UBE2O: variants seen among roughly 807,000 people sequenced by gnomAD.
UBE2O encodes the protein (E3-independent) E2 ubiquitin-conjugating enzyme.
A neutral mutation model predicts 125.8 loss-of-function variants in UBE2O; 15 were observed. The ratio of observed to expected loss-of-function variants is 0.12; its 90% confidence interval spans 0.08 to 0.18. UBE2O has a LOEUF of 0.18. Among genes scored for constraint, UBE2O ranks in the 10% least tolerant of loss-of-function variants. The pLI is 1.00. For synonymous variants in UBE2O, 708 were observed against 703.2 expected (o/e 1.01, Z -0.11); for missense variants, 1,280 against 1,723.6 (o/e 0.74, Z 4.56).
intron 1 of UBE2O, among the ~76,000 whole-genome samples, chr17:76,438,887 A>C (rs559263849): frequency 6.6e-6 from 1 of 152,262 alleles, no homozygotes; most frequent in South Asian, 2.1e-4. Context: ...GACGCCATGC[A>C]CACCGAGGGC....
chr17:76,432,558 C>G (rs1469605919), intron 1 of UBE2O, among the ~76,000 whole-genome samples: 1 of 152,120 alleles, frequency 6.6e-6, no homozygotes, highest in Non-Finnish European at 1.5e-5. Flanking sequence ...GGACTTAAAG[C>G]CCTTTCAGTT....
chr17:76,437,326 T>C (rs2073012794), intron 1 of UBE2O, among the ~76,000 whole-genome samples: 1 of 149,952 alleles, frequency 6.7e-6, no homozygotes, highest in South Asian at 2.1e-4. Flanking sequence ...GGCGGGCACC[T>C]GTAGTCCCAG....
chr17:76,415,315 G>A (rs1319318092), intron 1 of UBE2O, among the ~76,000 whole-genome samples: 3 of 152,186 alleles, frequency 2.0e-5, no homozygotes, highest in Non-Finnish European at 4.4e-5. Flanking sequence ...TGACCCCCAC[G>A]AAGGAGGCAC....
At chr17:76,435,056 G>A (rs1302350308) in intron 1 of UBE2O, among the ~76,000 whole-genome samples, 3 of 152,112 alleles carry the variant, frequency 2.0e-5, no homozygotes, top group Non-Finnish European at 2.9e-5. Context: ...ACAACAATGA[G>A]GAGAGGAAAG....
chr17:76,391,844 T>C lies in UBE2O; in HGVS notation c.3151-31A>G, dbSNP rs2072119278. Reference sequence around the variant, plus strand: ...ACACACAGGGCACCATCAATTCTGTTCCCCAGGCCCCTATCCACCAGTGGC... The same window carrying C: ...ACACACAGGGCACCATCAATTCTGTCCCCCAGGCCCCTATCCACCAGTGGC... On this transcript the variant is annotated intron_variant, in intron 16 of 17. Transcript: ENST00000319380. The surrounding 1 kb of genome is among the most constrained non-coding windows in gnomAD (Gnocchi z 8.4). The C allele has an allele frequency of 6.2e-7, 1 of 1,613,764 alleles. No individual in the cohort carries two copies. The highest frequency in any genetic ancestry group is 8.5e-7 in the Non-Finnish European group (1 of 1,179,948).
chr17:76,412,764 C>T (rs1466629220), intron 1 of UBE2O, among the ~76,000 whole-genome samples: 1 of 152,212 alleles, frequency 6.6e-6, no homozygotes, highest in Non-Finnish European at 1.5e-5. Context: ...AATCCCAGTG[C>T]TTTGGAAGGC....
rs2073272061 is a variant in UBE2O, at chr17:76,452,624, T to G, written c.417+101A>C. ...TGTCCTCCCGCGTCGGCCACTGCAGTGGCACCGCTCCGGGCAGGGCCCTGC... is the reference window on the plus strand; with the variant it reads ...TGTCCTCCCGCGTCGGCCACTGCAGGGGCACCGCTCCGGGCAGGGCCCTGC... On this transcript the variant is annotated intron_variant, in intron 1 of 17. Transcript: ENST00000319380. This position sits in a 1 kb window ranked among gnomAD's most constrained non-coding sequence, Gnocchi z 4.4. 8.7e-7 allele frequency: 1 copy of G among 1,154,292 alleles called. No individual in the cohort carries two copies. The highest frequency in any genetic ancestry group is 1.1e-6 in the Non-Finnish European group (1 of 900,342). 71.5% of individuals were successfully genotyped at this position (1,154,292 alleles called of 1,614,324 possible). A position where few individuals can be genotyped will look rare whatever the true frequency, so the allele number is the denominator to read the frequency against.
chr17:76,450,065 TAAAC>T (rs2073213146), intron 1 of UBE2O, among the ~76,000 whole-genome samples: 1 of 143,290 alleles, frequency 7.0e-6, no homozygotes, highest in Non-Finnish European at 1.5e-5. Flanking sequence ...CCAAAAATAA[TAAAC>T]AAACCAGTAA....
At chr17:76,413,279 A>G (rs893879700) in intron 1 of UBE2O, among the ~76,000 whole-genome samples, 71 of 152,340 alleles carry the variant, frequency 4.7e-4, no homozygotes, top group African/African-American at 1.6e-3. Context: ...TGATGGCCTG[A>G]GAAGCTACTT....
At chr17:76,449,154 T>C (rs1449457456) in intron 1 of UBE2O, among the ~76,000 whole-genome samples, 3 of 152,276 alleles carry the variant, frequency 2.0e-5, no homozygotes, top group East Asian at 1.9e-4. Flanking sequence ...TCTCTCTTTG[T>C]AAATTTGTTC....
chr17:76,423,178 G>C (rs2072737546), intron 1 of UBE2O, among the ~76,000 whole-genome samples: 1 of 152,150 alleles, frequency 6.6e-6, no homozygotes, highest in African/African-American at 2.4e-5. Context: ...GTAGGTGAGG[G>C]GGTGGATGTG....
intron 1 of UBE2O, among the ~76,000 whole-genome samples, chr17:76,415,926 C>T (rs1003368153): frequency 3.0e-5 from 4 of 132,274 alleles, no homozygotes; most frequent in African/African-American, 1.0e-4. Context: ...TGCACATACA[C>T]GTATATACGT....
intron 1 of UBE2O, among the ~76,000 whole-genome samples, chr17:76,406,329 G>C (rs992031894): frequency 5.3e-5 from 8 of 152,110 alleles, no homozygotes; most frequent in African/African-American, 1.9e-4. Context: ...CTCAAACCTG[G>C]GGCAGCTCCT....
At chr17:76,429,628 C>G (rs1285443610) in intron 1 of UBE2O, among the ~76,000 whole-genome samples, 1 of 150,462 alleles carries the variant, frequency 6.6e-6, no homozygotes, top group African/African-American at 2.5e-5. Flanking sequence ...AGGCTCTGGA[C>G]AGGTGAGGAC....
At chr17:76,433,862 AAACTT>A (rs1415876403) in intron 1 of UBE2O, among the ~76,000 whole-genome samples, 2 of 152,208 alleles carry the variant, frequency 1.3e-5, no homozygotes, top group African/African-American at 4.8e-5. Flanking sequence ...ACTCTACAAA[AAACTT>A]AAAAAGAAAT....
In UBE2O at chr17:76,399,123, G is replaced by T; in HGVS notation, c.1629-132C>A. 1 of 1,229,588 alleles carries T rather than the reference G, an allele frequency of 8.1e-7. No individual in the cohort carries two copies. Among genetic ancestry groups the T allele is most frequent in the Non-Finnish European group, 1.1e-6 (1 of 899,088 alleles). 76.2% of individuals were successfully genotyped at this position (1,229,588 alleles called of 1,614,324 possible). ...ACTCTGAATCCCAGGTTGGCAGGAT[G>T]AGTCTCTGGTGCACAGGAAGCTCAC... On this transcript the variant is annotated intron_variant, in intron 9 of 17. Coordinates refer to ENST00000319380, the MANE Select transcript of UBE2O (RefSeq NM_022066.4). The surrounding 1 kb of genome is among the most constrained non-coding windows in gnomAD (Gnocchi z 6.9).
intron 1 of UBE2O, among the ~76,000 whole-genome samples, chr17:76,443,282 A>AAT (rs35551260): frequency 0.019 from 2,862 of 151,470 alleles, 28 homozygotes; most frequent in African/African-American, 0.034. Flanking sequence ...AAAGTTGGGG[A>AAT]ATATATATAT....
In UBE2O at chr17:76,399,481, ATTC is replaced by A. The variant is rs752648846; in HGVS notation, c.1593_1595del (p.Lys531del). The A allele has an allele frequency of 1.2e-4, 197 of 1,613,706 alleles. No homozygotes were observed. Among genetic ancestry groups the A allele is most frequent in the Non-Finnish European group, 1.6e-4 (190 of 1,179,870 alleles). ...CTGGCTTGAAGTCTCGAGTGATTTT[ATTC>A]TTCTTCCTCTTGTGTTTGCGCTTTA... On this transcript the variant is annotated inframe_deletion, in exon 9 of 18. Transcript: ENST00000319380. The surrounding 1 kb of genome is among the most constrained non-coding windows in gnomAD (Gnocchi z 6.9).
At chr17:76,415,836 CAT>C (rs918690667) in intron 1 of UBE2O, among the ~76,000 whole-genome samples, 1 of 132,612 alleles carries the variant, frequency 7.5e-6, no homozygotes, top group African/African-American at 2.9e-5. Flanking sequence ...TGTGCATACA[CAT>C]ATATGTATAT....
Sources: gnomAD v4.1 joint callset for allele counts (sites outside exome capture counted in the v4.1 genomes callset) on GRCh38, gnomAD v4.1.1 for gene constraint, Gnocchi (gnomAD v3.1) non-coding constraint, MANE v1.5 for transcripts, NCBI Gene and HGNC (gene_info 2026-07-23, HGNC 2026-07-21) for gene names.